SMG5: variants seen among roughly 807,000 people sequenced by gnomAD.
SMG5 encodes SMG5 nonsense mediated mRNA decay factor.
Under a neutral mutation model 122.9 loss-of-function variants are expected in SMG5, and 53 were observed. The observed-to-expected ratio is 0.43, with a 90% confidence interval of 0.35 to 0.54. The LOEUF (loss-of-function observed/expected upper bound fraction) is 0.54, where lower values mean the gene tolerates loss of function less well. Among genes scored for constraint, SMG5 ranks in the 20% least tolerant of loss-of-function variants. SMG5 has a pLI of 0.01. For missense variants in SMG5, 1,153 were observed against 1,285.6 expected (o/e 0.90, Z 1.58); for synonymous variants, 477 against 490.2 (o/e 0.97, Z 0.35).
intron 16 of SMG5, among the ~76,000 whole-genome samples, chr1:156,258,269 T>C (rs2253358): frequency 0.21 from 31,398 of 152,172 alleles, 3,306 homozygotes; most frequent in East Asian, 0.28. Flanking sequence ...AGAGGGAGCA[T>C]TTGCTAGGCA....
chr1:156,271,441 A>G (rs559902434), intron 7 of SMG5, among the ~76,000 whole-genome samples: 4 of 152,214 alleles, frequency 2.6e-5, no homozygotes, highest in African/African-American at 9.6e-5. Flanking sequence ...GTTTCTCAGT[A>G]TAACTTAAAA....
chr1:156,251,814 G>C (rs1478573840), intron 19 of SMG5, among the ~76,000 whole-genome samples: 4 of 152,220 alleles, frequency 2.6e-5, no homozygotes, highest in African/African-American at 9.6e-5. Context: ...TGCAGAGGAG[G>C]GGGTGGGCCA....
At chr1:156,286,308 C>T (rs754893290), upstream of SMG5, 5 of 1,614,238 alleles carry the variant, frequency 3.1e-6, no homozygotes, top group East Asian at 8.9e-5. Flanking sequence ...GCCCTTCGGC[C>T]CTTTGGGGAG....
At chr1:156,277,823 T>G (rs1210989603) in intron 3 of SMG5, 102 bp downstream of exon 3, 3 of 1,498,028 alleles carry the variant, frequency 2.0e-6, no homozygotes, top group Non-Finnish European at 2.7e-6. Flanking sequence ...CTTACTGCCA[T>G]GTTTTCTTGG....
At chr1:156,272,711 C>T (rs1195213332) in intron 6 of SMG5, among the ~76,000 whole-genome samples, 2 of 152,038 alleles carry the variant, frequency 1.3e-5, no homozygotes, top group Non-Finnish European at 2.9e-5. Flanking sequence ...GTAGCTGGGA[C>T]TACCACAGGC....
At chr1:156,287,796 T>A (rs1384233842), upstream of SMG5, among the ~76,000 whole-genome samples, 5 of 151,840 alleles carry the variant, frequency 3.3e-5, no homozygotes, top group Non-Finnish European at 7.4e-5. Flanking sequence ...TTTTGTATTT[T>A]TAGTAGAGAT....
upstream of SMG5, chr1:156,285,849 T>A: frequency 1.2e-6 from 2 of 1,613,682 alleles, no homozygotes; most frequent in Non-Finnish European, 1.7e-6. Flanking sequence ...GGAGCCGCAC[T>A]CATTCTCTTC....
intron 7 of SMG5, 28 bp from the exon 8 acceptor site, chr1:156,268,443 G>A (rs762641343): frequency 1.2e-6 from 2 of 1,609,642 alleles, no homozygotes; most frequent in African/African-American, 2.7e-5. Flanking sequence ...GAGCTACTGA[G>A]TCTTGGCAGG....
chr1:156,285,624 A>AC (rs759042350), upstream of SMG5: 1 of 1,614,084 alleles, frequency 6.2e-7, no homozygotes, highest in South Asian at 1.1e-5. Context: ...GTGCCTATTG[A>AC]CCTACAGTGC....
intron 2 of SMG5, among the ~76,000 whole-genome samples, chr1:156,278,671 A>C (rs1374656190): frequency 6.6e-6 from 1 of 152,062 alleles, no homozygotes; most frequent in Non-Finnish European, 1.5e-5. Context: ...CCTGCCTCGA[A>C]TGCCATTCTT....
At chr1:156,255,845 GTGAGCT>G (rs1661555451) in intron 16 of SMG5, among the ~76,000 whole-genome samples, 1 of 152,200 alleles carries the variant, frequency 6.6e-6, no homozygotes, top group Non-Finnish European at 1.5e-5. Context: ...CAAGGCTGCA[GTGAGCT>G]ATGGTCATGC....
At chr1:156,254,563 C>T (rs1282473439) in intron 16 of SMG5, among the ~76,000 whole-genome samples, 1 of 152,144 alleles carries the variant, frequency 6.6e-6, no homozygotes, top group Non-Finnish European at 1.5e-5. Flanking sequence ...CCTGCCTCAG[C>T]CCCCCAACTA....
Position 156,252,472 on chromosome 1 carries a change from G to A in SMG5, c.2695C>T (p.His899Tyr), listed in dbSNP as rs1661394648. 6.2e-7 allele frequency: 1 copy of A among 1,614,078 alleles called. No homozygotes were observed. Among genetic ancestry groups the A allele is most frequent in the East Asian group, 2.2e-5 (1 of 44,884 alleles). The stretch of plus-strand genomic sequence containing the variant: ...CGAATCCCATCCCGGGCCCCTGGGT[G>A]TTCCTTCTTCAGCAAATCCAGGCCA... ...IDGLDLLKKE[H>Y]PGARDGIRYL... is the part of the protein sequence containing the mutation. Residue 899 changes from histidine to tyrosine, a missense_variant, in exon 19 of 22, where the codon CAC becomes TAC. His to Tyr is a moderately conservative substitution (Grantham distance 83, BLOSUM62 2). This residue lies in a region of SMG5 where 140 missense variants were observed against 227.8 expected (regional missense o/e 0.61). Coordinates refer to ENST00000361813, the MANE Select transcript of SMG5 (RefSeq NM_015327.3).
chr1:156,256,284 G>C (rs1166227842), intron 16 of SMG5, among the ~76,000 whole-genome samples: 4 of 148,954 alleles, frequency 2.7e-5, no homozygotes, highest in Non-Finnish European at 5.9e-5. Context: ...CAGAAGGCCA[G>C]AGCCTAGGTG....
At chr1:156,282,501 C>T (rs965284420) in intron 1 of SMG5, 106 bp downstream of exon 1, 30 of 1,278,904 alleles carry the variant, frequency 2.3e-5, no homozygotes, top group Non-Finnish European at 3.1e-5. Context: ...TCCTTCCTCA[C>T]CCGCACCTCA....
chr1:156,269,552 T>C (rs1006523429), intron 7 of SMG5, among the ~76,000 whole-genome samples: 1 of 151,090 alleles, frequency 6.6e-6, no homozygotes, highest in Non-Finnish European at 1.5e-5. Context: ...CTGGCCAACA[T>C]GGTGAAACCC....
rs1229076376 is a variant in SMG5, at chr1:156,273,448, G to A, written c.547C>T (p.Arg183Ter). The A allele has an allele frequency of 1.2e-6, 2 of 1,613,644 alleles. No individual in the cohort carries two copies. Among genetic ancestry groups the A allele is most frequent in the African/African-American group, 1.3e-5 (1 of 74,974 alleles). Residue 183 changes from arginine (R) to a stop codon, truncating the protein, a stop_gained and splice_region_variant, in exon 6 of 22, where the codon CGA (arginine) becomes TGA (stop). Coordinates refer to ENST00000361813, the MANE Select transcript of SMG5 (RefSeq NM_015327.3). LOFTEE classifies it high-confidence loss of function. ...ACGCCAGCTAATTCATTCTGATATC[G>A]GGCTGCACAAGAGAGAAAACGAAGG... ...RCLVYLGDLS[R>*]YQNELAGVDT...
chr1:156,277,205 T>C lies in SMG5; in HGVS notation c.334A>G (p.Arg112Gly). 6.2e-7 allele frequency: 1 copy of C among 1,613,836 alleles called. No homozygotes were observed. Among genetic ancestry groups the C allele is most frequent in the Non-Finnish European group, 8.5e-7 (1 of 1,179,958 alleles). ...HSRSTLECAYRTHLVAGIGFY... is the reference protein window; with the variant it reads ...HSRSTLECAYGTHLVAGIGFY... ...CCAATACCAGCAACCAGGTGCGTCC[T>C]GTAGGCACATTCCAAAGTGCTCCGG... The change falls in exon 4 of 22, where the codon AGG becomes GGG. Residue 112 changes from arginine (R) to glycine (G), a missense_variant. By Grantham distance (125) the Arg-to-Gly change is moderately radical (BLOSUM62 -2). This residue lies in a region of SMG5 where 213 missense variants were observed against 197.5 expected (regional missense o/e 1.08). Coordinates refer to ENST00000361813, the MANE Select transcript of SMG5 (RefSeq NM_015327.3).
chr1:156,274,965 C>T (rs143556811), intron 4 of SMG5, among the ~76,000 whole-genome samples: 11 of 151,874 alleles, frequency 7.2e-5, no homozygotes, highest in African/African-American at 1.9e-4. Context: ...TGGCACCTTG[C>T]GGGAAGGTCA....
Sources: gnomAD v4.1 joint callset for allele counts (sites outside exome capture counted in the v4.1 genomes callset) on GRCh38, gnomAD v4.1.1 for gene constraint, gnomAD v4.1.1 regional missense constraint, MANE v1.5 for transcripts, NCBI Gene and HGNC (gene_info 2026-07-23, HGNC 2026-07-21) for gene names.